ELOVL6: variants seen among roughly 807,000 people sequenced by gnomAD.
ELOVL6 encodes very long chain fatty acid elongase 6.
A neutral mutation model predicts 31.7 loss-of-function variants in ELOVL6; 8 were observed. That is an observed-to-expected ratio of 0.25 (90% CI 0.15 to 0.45). The LOEUF (loss-of-function observed/expected upper bound fraction) is 0.45. ELOVL6 is among the 20% of genes least tolerant of loss of function. The pLI is 1.00. For missense variants in ELOVL6, 126 were observed against 326.4 expected, an observed-to-expected ratio of 0.39 and a Z score of 4.73; for synonymous variants, 101 against 117.7, an observed-to-expected ratio of 0.86 and a Z score of 0.92.
chr4:110,144,595 A>G (rs1475620962), intron 1 of ELOVL6, among the ~76,000 whole-genome samples: 1 of 151,978 alleles, frequency 6.6e-6, no homozygotes, highest in African/African-American at 2.4e-5. Flanking sequence ...TTGCAGCACT[A>G]CTCTTTCCAA....
intron 1 of ELOVL6, among the ~76,000 whole-genome samples, chr4:110,137,080 T>C (rs1757832584): frequency 6.6e-6 from 1 of 152,152 alleles, no homozygotes; most frequent in African/African-American, 2.4e-5. Context: ...TGATATCAAA[T>C]AGGTCAAGAA....
At chr4:110,197,001 C>T (rs958567127) in intron 1 of ELOVL6, among the ~76,000 whole-genome samples, 1 of 152,226 alleles carries the variant, frequency 6.6e-6, no homozygotes, top group Admixed American at 6.5e-5. Context: ...GCACCAGCTC[C>T]TACTGCACCA....
At chr4:110,165,401 G>A (rs935078633) in intron 1 of ELOVL6, among the ~76,000 whole-genome samples, 23 of 152,112 alleles carry the variant, frequency 1.5e-4, no homozygotes, top group Admixed American at 9.2e-4. Flanking sequence ...GCTTCCAATC[G>A]ACCCTCACAA....
rs6824786 is a variant in ELOVL6, at chr4:110,104,662, G to A, written c.221+835C>T. 4.3e-3 allele frequency among the ~76,000 whole-genome samples: 650 copies of A among 152,184 alleles called. 5 individuals carry two copies. The highest frequency in any genetic ancestry group is 0.014 in the African/African-American group (566 of 41,528). On this transcript the variant is annotated intron_variant, in intron 2 of 3. Coordinates refer to ENST00000302274, the MANE Select transcript of ELOVL6 (RefSeq NM_024090.3). ...GTATATCTACATTTACTCCGCTCCC[G>A]TTCCTCCCCAAGCCTAGTTATGAAC...
intron 1 of ELOVL6, among the ~76,000 whole-genome samples, chr4:110,181,902 C>G (rs1401134486): frequency 6.6e-6 from 1 of 152,196 alleles, no homozygotes; most frequent in Non-Finnish European, 1.5e-5. Flanking sequence ...AACTTCGTTT[C>G]AGAGAGTATC....
intron 3 of ELOVL6, among the ~76,000 whole-genome samples, chr4:110,057,931 T>G (rs1157078870): frequency 6.6e-6 from 1 of 151,902 alleles, no homozygotes; most frequent in Non-Finnish European, 1.5e-5. Flanking sequence ...CAACCCCAGT[T>G]TGAGAACAAG....
intron 1 of ELOVL6, among the ~76,000 whole-genome samples, chr4:110,118,249 C>T (rs563387463): frequency 4.6e-5 from 7 of 151,730 alleles, no homozygotes; most frequent in African/African-American, 1.7e-4. Context: ...TGAGCCACTG[C>T]GCCTGGCCAG....
At chr4:110,097,894 T>C (rs1439966002) in intron 2 of ELOVL6, among the ~76,000 whole-genome samples, 2 of 152,122 alleles carry the variant, frequency 1.3e-5, no homozygotes, top group Non-Finnish European at 2.9e-5. Context: ...AGCAAGGCAT[T>C]GGAGTCAGCA....
At chr4:110,193,918 C>G (rs1031928900) in intron 1 of ELOVL6, among the ~76,000 whole-genome samples, 1 of 152,184 alleles carries the variant, frequency 6.6e-6, no homozygotes, top group Non-Finnish European at 1.5e-5. Context: ...ACCTCACATA[C>G]ATAATGTTAC....
intron 1 of ELOVL6, among the ~76,000 whole-genome samples, chr4:110,124,885 C>T (rs1757452789): frequency 6.6e-6 from 1 of 151,992 alleles, no homozygotes; most frequent in African/African-American, 2.4e-5. Flanking sequence ...GTTTTTAGGT[C>T]CAAGTTGCAA....
rs1272015741 is a variant in ELOVL6 at position 110,046,137 on chromosome 4, AC to A, written c.*5200del. On this transcript the variant is annotated 3_prime_UTR_variant, in exon 4 of 4. Transcript: ENST00000302274. ...TATGACCAGGGAGGACTGTTAGGCTACTTCTGTGGCCTTCTTAGTTTTTGTC... is the reference window on the plus strand; with the variant it reads ...TATGACCAGGGAGGACTGTTAGGCTATTCTGTGGCCTTCTTAGTTTTTGTC... 6.6e-6 allele frequency: 1 copy of A among 152,084 alleles called. No individual in the cohort carries two copies. The highest frequency in any genetic ancestry group is 1.5e-5 in the Non-Finnish European group (1 of 68,008). 9.4% of individuals were successfully genotyped at this position (152,084 alleles called of 1,614,324 possible). A position where few individuals can be genotyped will look rare whatever the true frequency, so the allele number is the denominator to read the frequency against.
intron 2 of ELOVL6, among the ~76,000 whole-genome samples, chr4:110,102,361 TG>T (rs1326098307): frequency 2.6e-5 from 4 of 152,232 alleles, no homozygotes; most frequent in African/African-American, 9.6e-5. Flanking sequence ...ATAAAGTAAA[TG>T]GGGAGTTACT....
At chr4:110,168,682 G>C (rs1323680075) in intron 1 of ELOVL6, among the ~76,000 whole-genome samples, 2 of 152,082 alleles carry the variant, frequency 1.3e-5, no homozygotes, top group Non-Finnish European at 2.9e-5. Context: ...TTTCCCAGTA[G>C]GTGCTGACGT....
intron 2 of ELOVL6, among the ~76,000 whole-genome samples, chr4:110,074,525 A>G (rs1367253367): frequency 6.6e-6 from 1 of 152,192 alleles, no homozygotes; most frequent in Non-Finnish European, 1.5e-5. Context: ...TAAGACCTGG[A>G]GAACTTTAGA....
chr4:110,116,556 G>C (rs1471758131), intron 1 of ELOVL6, among the ~76,000 whole-genome samples: 1 of 152,126 alleles, frequency 6.6e-6, no homozygotes, highest in Non-Finnish European at 1.5e-5. Flanking sequence ...AGAATTTCTA[G>C]TATAATATAC....
intron 1 of ELOVL6, among the ~76,000 whole-genome samples, chr4:110,123,740 T>C (rs1757416410): frequency 1.3e-5 from 2 of 152,146 alleles, no homozygotes; most frequent in Non-Finnish European, 2.9e-5. Context: ...AAAGGTAAAA[T>C]TTACCAGATT....
At chr4:110,108,160 AC>A (rs1425271394) in intron 1 of ELOVL6, among the ~76,000 whole-genome samples, 2 of 152,074 alleles carry the variant, frequency 1.3e-5, no homozygotes, top group Non-Finnish European at 2.9e-5. Flanking sequence ...TTTCATCCAA[AC>A]CCTCTTTGCT....
intron 2 of ELOVL6, among the ~76,000 whole-genome samples, chr4:110,084,552 A>AGATATATATT (rs1371261027): frequency 1.2e-3 from 83 of 71,934 alleles, no homozygotes; most frequent in African/African-American, 1.8e-3. Context: ...ACACACACAC[A>AGATATATATT]CACACACACA....
chr4:110,077,222 G>A (rs1320528555), intron 2 of ELOVL6, among the ~76,000 whole-genome samples: 1 of 152,200 alleles, frequency 6.6e-6, no homozygotes, highest in African/African-American at 2.4e-5. Flanking sequence ...GTCCCTGTCT[G>A]ACAGCTTTGA....
Sources: allele counts gnomAD v4.1 joint callset (sites outside exome capture counted in the v4.1 genomes callset), GRCh38; gene constraint gnomAD v4.1.1; transcripts MANE v1.5; gene names NCBI Gene and HGNC (gene_info 2026-07-23, HGNC 2026-07-21).